Variants in NMUR1 observed in about 807,000 individuals in gnomAD.
NMUR1 encodes the protein neuromedin U receptor 1.
NMUR1 carries 16 observed loss-of-function variants against 18.8 expected under a neutral mutation model. That is an observed-to-expected ratio of 0.85 (90% confidence interval 0.58 to 1.29). The LOEUF (loss-of-function observed/expected upper bound fraction) is 1.29, where lower values mean the gene tolerates loss of function less well. NMUR1 is among the 50% of genes most tolerant of loss of function. The probability of loss-of-function intolerance (pLI) is 0.00; values close to 1 mark genes in which losing one functional copy is unlikely to be tolerated. For synonymous variants in NMUR1, 258 were observed against 258.2 expected, an observed-to-expected ratio of 1.00 and a Z score of 0.01; for missense variants, 529 against 580.3, an observed-to-expected ratio of 0.91 and a Z score of 0.91.
chr2:231,528,509 G>A lies in NMUR1; in HGVS notation c.512C>T (p.Ser171Phe). Residue 171 changes from serine (S) to phenylalanine (F), a missense_variant, in exon 2 of 3, where the codon TCC (serine) becomes TTC (phenylalanine). Coordinates refer to ENST00000305141, the MANE Select transcript of NMUR1 (RefSeq NM_006056.5). ...GCGCACATGGGCCCGCGTCACCATG[G>A]ACCTGGCCTGGAGTGGGTGCACCAC... Reference protein sequence around the residue: ...VAVVHPLQARSMVTRAHVRRV... With the variant: ...VAVVHPLQARFMVTRAHVRRV... 1 of 1,613,842 alleles carries A rather than the reference G, an allele frequency of 6.2e-7. No individual in the cohort carries two copies. The highest frequency in any genetic ancestry group is 8.5e-7 in the Non-Finnish European group (1 of 1,180,050).
At position 231,524,915 on chromosome 2, in the gene NMUR1, C is replaced by A; in HGVS notation, c.*128G>T. 8.0e-7 allele frequency: 1 copy of A among 1,254,814 alleles called. No individual in the cohort carries two copies. Among genetic ancestry groups the A allele is most frequent in the Non-Finnish European group, 1.1e-6 (1 of 926,918 alleles). The allele number at this position is 1,254,814 out of a possible 1,614,324, so 77.7% of individuals were successfully genotyped here. On this transcript the variant is annotated 3_prime_UTR_variant, in exon 3 of 3. Coordinates refer to ENST00000305141, the MANE Select transcript of NMUR1 (RefSeq NM_006056.5). ...TTTCCCTCTGAGGGAAACTGAGGTG[C>A]TGGTCAGAATTTCTAGGCTGAACTA... is the stretch of plus-strand genomic sequence containing the variant.
rs774115331 is a variant in NMUR1, at chr2:231,528,126, G to A, written c.895C>T (p.Leu299=). ...TCTTCCCAGCCGTGACACTTACACA[G>A]CATCTTGGTCACTTGTCTCCGGCCC... The part of the protein sequence containing the change: ...DRGRRQVTKM[L]FVLVVVFGIC... Residue 299 remains leucine (L), a synonymous_variant, in exon 2 of 3, where the codon CTG becomes TTG. Transcript: ENST00000305141. 26 of 1,544,628 alleles carry A rather than the reference G, an allele frequency of 1.7e-5. No individual in the cohort carries two copies. In the Admixed American group the frequency reaches 5.0e-4, roughly 30 times the overall value.
chr2:231,529,687 G>A (rs2047396608), intron 1 of NMUR1, among the ~76,000 whole-genome samples: 1 of 152,190 alleles, frequency 6.6e-6, no homozygotes, highest in South Asian at 2.1e-4. Context: ...AAGCGCTCAG[G>A]AAGCAACTGC....
downstream of NMUR1, among the ~76,000 whole-genome samples, chr2:231,522,074 G>T (rs1390126689): frequency 6.7e-6 from 1 of 148,686 alleles, no homozygotes; most frequent in Non-Finnish European, 1.5e-5. Context: ...CGACCTCCTG[G>T]GCTCAGGTGA....
At position 231,525,294 on chromosome 2, in the gene NMUR1, A is replaced by T. The variant is rs1353709779; in HGVS notation, c.1030T>A (p.Phe344Ile). ...FQHVHVISGI[F>I]FYLGSAANPV... is the part of the protein sequence containing the mutation. ...TTGGCCGCCGAGCCCAGGTAGAAGA[A>T]GATGCCGGAGATGACGTGCACGTGC... Residue 344 changes from phenylalanine to isoleucine, a missense_variant, in exon 3 of 3, where the codon TTC (phenylalanine) becomes ATC (isoleucine). Physicochemically the swap from Phe to Ile is conservative, Grantham distance 21 (BLOSUM62 0). Coordinates refer to ENST00000305141, the MANE Select transcript of NMUR1 (RefSeq NM_006056.5). The T allele has an allele frequency of 1.2e-6, 2 of 1,614,196 alleles. No individual in the cohort carries two copies. Among genetic ancestry groups the T allele is most frequent in the Admixed American group, 1.7e-5 (1 of 60,034 alleles).
At position 231,528,393 on chromosome 2, in the gene NMUR1, G is replaced by A. The variant is rs1005153721; in HGVS notation, c.628C>T (p.Arg210Trp). Reference protein sequence around the residue: ...HGIRQLHVPCRGPVPDSAVCM... With the variant: ...HGIRQLHVPCWGPVPDSAVCM... ...ACAGCTGAGTCTGGCACTGGGCCCC[G>A]GCAGGGCACGTGCAGCTGCCGGATG... Residue 210 changes from arginine to tryptophan, a missense_variant, in exon 2 of 3, where the codon CGG (arginine) becomes TGG (tryptophan). Transcript: ENST00000305141. 62 of 1,613,638 alleles carry A rather than the reference G, an allele frequency of 3.8e-5. 1 individual carries two copies. The highest frequency in any genetic ancestry group is 3.5e-4 in the South Asian group (32 of 91,070).
downstream of NMUR1, among the ~76,000 whole-genome samples, chr2:231,520,916 GC>G (rs1553536780): frequency 6.6e-6 from 1 of 152,208 alleles, no homozygotes; most frequent in Non-Finnish European, 1.5e-5. Flanking sequence ...AGGAAATTAA[GC>G]CTTTTTCTGA....
rs1014298289 is a variant in NMUR1, at chr2:231,528,008, A to G, written c.898+115T>C. 2.1e-5 allele frequency: 20 copies of G among 973,190 alleles called. 1 individual carries two copies. In the South Asian group the frequency reaches 3.5e-4, roughly 17 times the overall value. The allele number at this position is 973,190 out of a possible 1,614,324, so 60.3% of individuals were successfully genotyped here. A position where few individuals can be genotyped will look rare whatever the true frequency, so the allele number is the denominator to read the frequency against. ...CACACACACACACACACGAGACTAG[A>G]GGAGTTCCTCGTCCCCCATAAACCC... On this transcript the variant is annotated intron_variant, in intron 2 of 2. Transcript: ENST00000305141.
At position 231,525,024 on chromosome 2, in the gene NMUR1, A is replaced by G; in HGVS notation, c.*19T>C. The stretch of plus-strand genomic sequence containing the variant: ...GTGACCCTCTGGCCCCTCCAGGTGA[A>G]GCCACTTTAAGGCTCCACTCAGGAT... On this transcript the variant is annotated 3_prime_UTR_variant, in exon 3 of 3. Coordinates refer to ENST00000305141, the MANE Select transcript of NMUR1 (RefSeq NM_006056.5). The G allele has an allele frequency of 2.0e-6, 3 of 1,527,768 alleles. No individual in the cohort carries two copies. The highest frequency in any genetic ancestry group is 2.6e-5 in the South Asian group (2 of 77,644). 94.6% of individuals were successfully genotyped at this position (1,527,768 alleles called of 1,614,324 possible). A position where few individuals can be genotyped will look rare whatever the true frequency, so the allele number is the denominator to read the frequency against.
rs745976581 is a variant in NMUR1 at position 231,528,183 on chromosome 2, T to C, written c.838A>G (p.Arg280Gly). 7 of 1,600,940 alleles carry C rather than the reference T, an allele frequency of 4.4e-6. No individual in the cohort carries two copies. Among genetic ancestry groups the C allele is most frequent in the East Asian group, 2.2e-5 (1 of 44,784 alleles). ...TGCTGCTGGAGCCTGCAGGTGTATC[T>C]GGACCTGGCTGCTGCAGAGCCCCTG... ...KGRGSAAARS[R>G]YTCRLQQHDR... The change falls in exon 2 of 3, where the codon AGA (arginine) becomes GGA (glycine). Residue 280 changes from arginine (R) to glycine (G), a missense_variant. Arg to Gly is a moderately radical substitution (Grantham distance 125, BLOSUM62 -2). Coordinates refer to ENST00000305141, the MANE Select transcript of NMUR1 (RefSeq NM_006056.5).
Position 231,524,509 on chromosome 2 carries a change from C to T in NMUR1, c.*534G>A, listed in dbSNP as rs4973441. The T allele has an allele frequency of 0.28, 42,933 of 152,488 alleles. 6,659 individuals carry two copies. The highest frequency in any genetic ancestry group is 0.5 in the East Asian group (2,591 of 5,178). The allele number at this position is 152,488 out of a possible 1,614,324, so 9.4% of individuals were successfully genotyped here. A position where few individuals can be genotyped will look rare whatever the true frequency, so the allele number is the denominator to read the frequency against. On this transcript the variant is annotated 3_prime_UTR_variant, in exon 3 of 3. Coordinates refer to ENST00000305141, the MANE Select transcript of NMUR1 (RefSeq NM_006056.5). ...GGCGGAGGTTGCAGTGAGCCAAAAT[C>T]GCGCCACTGCACTCTAGCCTGGGCG...
At chr2:231,519,603 C>T (rs2047290552), downstream of NMUR1, among the ~76,000 whole-genome samples, 1 of 152,214 alleles carries the variant, frequency 6.6e-6, no homozygotes, top group South Asian at 2.1e-4. Flanking sequence ...CAGTACCTCT[C>T]AGTCCAGTCT....
At chr2:231,530,068 C>G (rs2125670810) in intron 1 of NMUR1, among the ~76,000 whole-genome samples, 1 of 152,366 alleles carries the variant, frequency 6.6e-6, no homozygotes, top group Admixed American at 6.5e-5. Context: ...GCCCTCACCC[C>G]CGCTGCACAG....
At chr2:231,528,084 G>A (rs1209211857) in intron 2 of NMUR1, 39 bp downstream of exon 2, 1 of 1,514,428 alleles carries the variant, frequency 6.6e-7, no homozygotes, top group Non-Finnish European at 8.8e-7. Context: ...CTCATACCCA[G>A]TGCCTGGCTC....
rs201008110 is a variant in NMUR1, at chr2:231,528,270, A to G, written c.751T>C (p.Tyr251His). 1.9e-6 allele frequency: 3 copies of G among 1,614,044 alleles called. No individual in the cohort carries two copies. Among genetic ancestry groups the G allele is most frequent in the Non-Finnish European group, 2.5e-6 (3 of 1,179,934 alleles). ...CLPMAIMSVL[Y>H]LLIGLRLRRE... ...CGCAGTCGCAGCCCAATGAGCAGGT[A>G]GAGCACGCTCATGATGGCCATGGGC... is the stretch of plus-strand genomic sequence containing the variant. Residue 251 changes from tyrosine to histidine, a missense_variant, in exon 2 of 3, where the codon TAC becomes CAC. Coordinates refer to ENST00000305141, the MANE Select transcript of NMUR1 (RefSeq NM_006056.5).
At chr2:231,519,714 C>T (rs1333028083), downstream of NMUR1, among the ~76,000 whole-genome samples, 8 of 152,332 alleles carry the variant, frequency 5.3e-5, no homozygotes, top group Admixed American at 5.2e-4. Context: ...TCACCACCTC[C>T]ACACTCCACT....
At chr2:231,518,957 G>A (rs1351972332), downstream of NMUR1, among the ~76,000 whole-genome samples, 2 of 152,128 alleles carry the variant, frequency 1.3e-5, no homozygotes, top group Non-Finnish European at 2.9e-5. Context: ...CCAGGACTTG[G>A]GCGCATCACC....
At chr2:231,526,994 C>T (rs947319681) in intron 2 of NMUR1, among the ~76,000 whole-genome samples, 15 of 152,162 alleles carry the variant, frequency 9.9e-5, no homozygotes, top group African/African-American at 3.1e-4. Context: ...TTCACAGACA[C>T]GCCTCGGGAT....
intron 2 of NMUR1, 131 bp downstream of exon 2, chr2:231,527,992 A>ACACACACG: frequency 1.1e-6 from 1 of 924,418 alleles, no homozygotes. Context: ...ACACACACAC[A>ACACACACG]CACACACGAG....
Sources: allele counts gnomAD v4.1 joint callset (sites outside exome capture counted in the v4.1 genomes callset), GRCh38; gene constraint gnomAD v4.1.1; transcripts MANE v1.5; gene names NCBI Gene and HGNC (gene_info 2026-07-23, HGNC 2026-07-21).